The following LRRC41 variants were observed in gnomAD, a reference collection of about 807,000 sequenced individuals.
LRRC41 encodes leucine-rich repeat-containing protein 41.
Under a neutral mutation model 72.1 loss-of-function variants are expected in LRRC41, and 17 were observed. That is an observed-to-expected ratio of 0.24 (90% CI 0.16 to 0.35). The LOEUF (loss-of-function observed/expected upper bound fraction) is 0.35. Ranked by LOEUF, LRRC41 falls within the 10% of genes least tolerant of loss-of-function variation. The pLI, the probability that LRRC41 is intolerant of heterozygous loss-of-function variation, is 1.00. For missense variants in LRRC41, 759 were observed against 1,065.0 expected (o/e 0.71, Z 4.00); for synonymous variants, 427 against 431.0 (o/e 0.99, Z 0.11).
At chr1:46,291,030 T>A (rs939920294) in intron 3 of LRRC41, among the ~76,000 whole-genome samples, 1 of 149,630 alleles carries the variant, frequency 6.7e-6, no homozygotes, top group Non-Finnish European at 1.5e-5. Flanking sequence ...GTTCAAGCTA[T>A]TCTCCTGCCT....
chr1:46,284,713 T>C (rs547910596), intron 4 of LRRC41, among the ~76,000 whole-genome samples: 1 of 152,046 alleles, frequency 6.6e-6, no homozygotes, highest in Non-Finnish European at 1.5e-5. Context: ...GGTGAGGTCA[T>C]CCCTGAGAAG....
In LRRC41 at chr1:46,284,446, T is replaced by C. The variant is rs564571328; in HGVS notation, c.1495+916A>G. ...TACTTAAAATATGCCAGACACATAC[T>C]AAGCAGTATATAAAAATTAGTTTGA... On this transcript the variant is annotated intron_variant, in intron 4 of 9. Coordinates refer to ENST00000617190, the MANE Select transcript of LRRC41 (RefSeq NM_006369.5). 18 of 152,302 alleles carry C rather than the reference T, an allele frequency of 1.2e-4. No homozygotes were observed. In the East Asian group the frequency reaches 3.5e-3, roughly 29 times the overall value. The allele number at this position is 152,302 out of a possible 1,614,324, so 9.4% of individuals were successfully genotyped here.
intron 3 of LRRC41, among the ~76,000 whole-genome samples, chr1:46,288,309 T>C (rs1660926374): frequency 6.6e-6 from 1 of 152,194 alleles, no homozygotes; most frequent in South Asian, 2.1e-4. Flanking sequence ...TCCCAGCTCT[T>C]TCACTATACT....
intron 1 of LRRC41, chr1:46,300,911 C>T (rs116334899): frequency 0.041 from 6,239 of 152,398 alleles, 170 homozygotes; most frequent in Middle Eastern, 0.071. Flanking sequence ...CTTGATTCAG[C>T]TTTTTCTGGT....
chr1:46,292,112 G>A (rs1029897695), intron 3 of LRRC41, among the ~76,000 whole-genome samples: 10 of 151,790 alleles, frequency 6.6e-5, no homozygotes, highest in African/African-American at 1.9e-4. Flanking sequence ...TCAGGAGTTC[G>A]AGACCAGCCT....
At position 46,286,273 on chromosome 1, in the gene LRRC41, AG is replaced by A; in HGVS notation, c.583del (p.Leu195CysfsTer55). 6.2e-7 allele frequency: 1 copy of A among 1,614,132 alleles called. No individual in the cohort carries two copies. Among genetic ancestry groups the A allele is most frequent in the East Asian group, 2.2e-5 (1 of 44,900 alleles). ...RRVLETLASS[L>X]HTLKFRHLLF... is the part of the protein sequence containing the mutation. ...CAGGTGGCGGAACTTGAGAGTGTGC[AG>A]GGAGCTGGCCAGGGTCTCCAGAACC... On this transcript the variant is annotated frameshift_variant, in exon 4 of 10. Transcript: ENST00000617190. LOFTEE classifies it high-confidence loss of function. This position sits in a 1 kb window ranked among gnomAD's most constrained non-coding sequence, Gnocchi z 5.5.
rs1389124588 is a variant in LRRC41 at position 46,302,547 on chromosome 1, C to T, written c.199+577G>A. On this transcript the variant is annotated intron_variant, in intron 1 of 9. Coordinates refer to ENST00000617190, the MANE Select transcript of LRRC41 (RefSeq NM_006369.5). This position sits in a 1 kb window ranked among gnomAD's most constrained non-coding sequence, Gnocchi z 4.7. ...CCCCGACCCTTTCGTTCGGCCTCTCCCCCTGCCCCATTCCCTCGCTCTCCA... is the reference window on the plus strand; with the variant it reads ...CCCCGACCCTTTCGTTCGGCCTCTCTCCCTGCCCCATTCCCTCGCTCTCCA... The T allele has an allele frequency of 5.1e-6, 5 of 985,268 alleles. No homozygotes were observed. Among genetic ancestry groups the T allele is most frequent in the Non-Finnish European group, 6.0e-6 (5 of 829,918 alleles). 61.0% of individuals were successfully genotyped at this position (985,268 alleles called of 1,614,324 possible). A position where few individuals can be genotyped will look rare whatever the true frequency, so the allele number is the denominator to read the frequency against.
chr1:46,292,324 A>G (rs1369626904), intron 3 of LRRC41, among the ~76,000 whole-genome samples: 1 of 151,506 alleles, frequency 6.6e-6, no homozygotes, highest in Non-Finnish European at 1.5e-5. Flanking sequence ...TCTCGAATTC[A>G]TGGGCTCAAG....
Position 46,286,032 on chromosome 1 carries a change from T to G in LRRC41, c.825A>C (p.Pro275=). ...ATAAGAGGGACCCTTCATCTCGGGATGGGGCCCGGCCTCGGGAGGCCTCTC... is the reference window on the plus strand; with the variant it reads ...ATAAGAGGGACCCTTCATCTCGGGAGGGGGCCCGGCCTCGGGAGGCCTCTC... ...LCGEASRGRA[P]SRDEGSLLLG... is the part of the protein sequence containing the mutation. The change falls in exon 4 of 10, where the codon CCA becomes CCC. Residue 275 remains proline, a synonymous_variant. Coordinates refer to ENST00000617190, the MANE Select transcript of LRRC41 (RefSeq NM_006369.5). This position sits in a 1 kb window ranked among gnomAD's most constrained non-coding sequence, Gnocchi z 5.5. The G allele has an allele frequency of 6.3e-7, 1 of 1,584,754 alleles. No homozygotes were observed. The highest frequency in any genetic ancestry group is 2.2e-5 in the East Asian group (1 of 44,560).
At chr1:46,282,282 A>G (rs776830776) in intron 4 of LRRC41, among the ~76,000 whole-genome samples, 7 of 152,192 alleles carry the variant, frequency 4.6e-5, no homozygotes, top group Non-Finnish European at 8.8e-5. Flanking sequence ...TGGGATACTT[A>G]AAAGAATCAA....
chr1:46,285,798 G>A lies in LRRC41; in HGVS notation c.1059C>T (p.Gly353=). 6.3e-7 allele frequency: 1 copy of A among 1,594,728 alleles called. No homozygotes were observed. The highest frequency in any genetic ancestry group is 1.1e-5 in the South Asian group (1 of 88,354). ...CTGGAGCAGAAGGTGACCGCTTGGT[G>A]CCAGGAGCCTCATGGGAGGTGGCTG... ...HPPATSHEAP[G]TKRSPSAPAA... Residue 353 remains glycine, a synonymous_variant, in exon 4 of 10, where the codon GGC becomes GGT. Transcript: ENST00000617190. The surrounding 1 kb of genome is among the most constrained non-coding windows in gnomAD (Gnocchi z 5.3).
intron 4 of LRRC41, among the ~76,000 whole-genome samples, chr1:46,284,584 A>G (rs750999546): frequency 3.3e-5 from 5 of 152,132 alleles, no homozygotes; most frequent in Non-Finnish European, 5.9e-5. Context: ...TTAGCCTTAG[A>G]AAGGATGGTG....
chr1:46,280,343 A>G (rs1254883566), intron 6 of LRRC41, 53 bp from the exon 7 acceptor site: 1 of 1,612,288 alleles, frequency 6.2e-7, no homozygotes, highest in Admixed American at 1.7e-5. Flanking sequence ...CCTAGAGAAC[A>G]GTGCTAGGTC....
At position 46,285,524 on chromosome 1, in the gene LRRC41, G is replaced by A; in HGVS notation, c.1333C>T (p.Pro445Ser). 1 of 1,614,044 alleles carries A rather than the reference G, an allele frequency of 6.2e-7. No homozygotes were observed. Among genetic ancestry groups the A allele is most frequent in the Non-Finnish European group, 8.5e-7 (1 of 1,180,002 alleles). ...VACGALDGSDPSCLGLPALEA... is the reference protein window; with the variant it reads ...VACGALDGSDSSCLGLPALEA... ...AGTGCTGGAAGCCCCAGGCAGCTGG[G>A]ATCTGATCCATCCAAAGCTCCACAA... The change falls in exon 4 of 10, where the codon CCC (proline) becomes TCC (serine). Residue 445 changes from proline (P) to serine (S), a missense_variant. Coordinates refer to ENST00000617190, the MANE Select transcript of LRRC41 (RefSeq NM_006369.5). The surrounding 1 kb of genome is among the most constrained non-coding windows in gnomAD (Gnocchi z 5.3).
rs1168462974 is a variant in LRRC41 at position 46,278,202 on chromosome 1, G to GC, written c.*662dup. On this transcript the variant is annotated 3_prime_UTR_variant, in exon 10 of 10. Transcript: ENST00000617190. ...GGGGCTCCGGGATGAGGTACTCCAG[G>GC]CTGCCTGGGATGCTGCCTCCACTGC... 1 of 1,613,968 alleles carries GC rather than the reference G, an allele frequency of 6.2e-7. No homozygotes were observed. Among genetic ancestry groups the GC allele is most frequent in the East Asian group, 2.2e-5 (1 of 44,872 alleles).
chr1:46,298,038 GGTT>G (rs1282926032), intron 2 of LRRC41, among the ~76,000 whole-genome samples: 5 of 152,108 alleles, frequency 3.3e-5, no homozygotes, highest in African/African-American at 7.2e-5. Flanking sequence ...ACAAGATATG[GGTT>G]GTTGTTCTGG....
In LRRC41 at chr1:46,277,970, A is replaced by C; in HGVS notation, c.*895T>G. On this transcript the variant is annotated 3_prime_UTR_variant, in exon 10 of 10. Transcript: ENST00000617190. ...CCTGGATGAAGCTAGCCTCAGTGAC[A>C]CACATGACAGGTGGGGAAGTGCCCT... 1 of 1,614,160 alleles carries C rather than the reference A, an allele frequency of 6.2e-7. No homozygotes were observed. The highest frequency in any genetic ancestry group is 1.1e-5 in the South Asian group (1 of 91,082).
Position 46,285,655 on chromosome 1 carries a change from C to T in LRRC41, c.1202G>A (p.Arg401His), listed in dbSNP as rs185591715. The change falls in exon 4 of 10, where the codon CGC (arginine) becomes CAC (histidine). Residue 401 changes from arginine (R) to histidine (H), a missense_variant. Coordinates refer to ENST00000617190, the MANE Select transcript of LRRC41 (RefSeq NM_006369.5). The surrounding 1 kb of genome is among the most constrained non-coding windows in gnomAD (Gnocchi z 5.3). Reference sequence around the variant, plus strand: ...CTCTGCACCAGGCCCCTGACGGGTGCGAGCACCCTTCTTCCCTGCAGCTCG... The same window carrying T: ...CTCTGCACCAGGCCCCTGACGGGTGTGAGCACCCTTCTTCCCTGCAGCTCG... ...FKRAAGKKGA[R>H]TRQGPGAESE... The T allele has an allele frequency of 2.0e-5, 32 of 1,614,128 alleles. No individual in the cohort carries two copies. The highest frequency in any genetic ancestry group is 8.9e-5 in the East Asian group (4 of 44,874).
chr1:46,295,010 T>C (rs976898343), intron 3 of LRRC41, among the ~76,000 whole-genome samples: 2 of 152,188 alleles, frequency 1.3e-5, no homozygotes, highest in African/African-American at 4.8e-5. Context: ...AATCTTAATT[T>C]ATTCATTGCT....
Sources: allele counts gnomAD v4.1 joint callset (sites outside exome capture counted in the v4.1 genomes callset), GRCh38; gene constraint gnomAD v4.1.1; non-coding constraint Gnocchi (gnomAD v3.1); transcripts MANE v1.5; gene names NCBI Gene and HGNC (gene_info 2026-07-23, HGNC 2026-07-21).